The following SPOCK3 variants were observed in gnomAD, a reference collection of about 807,000 sequenced individuals.
SPOCK3 encodes SPARC (osteonectin), cwcv and kazal like domains proteoglycan 3.
In SPOCK3, 30 loss-of-function variants were observed where a neutral mutation model predicts 56.6. That is an observed-to-expected ratio of 0.53 (90% confidence interval 0.40 to 0.72). The LOEUF is 0.72. Among genes scored for constraint, SPOCK3 ranks in the 30% least tolerant of loss-of-function variants. The pLI, the probability that SPOCK3 is intolerant of heterozygous loss-of-function variation, is 0.00. For missense variants in SPOCK3, 527 were observed against 530.0 expected, an observed-to-expected ratio of 0.99 and a Z score of 0.06; for synonymous variants, 196 against 183.3, an observed-to-expected ratio of 1.07 and a Z score of -0.56.
intron 2 of SPOCK3, among the ~76,000 whole-genome samples, chr4:167,086,446 C>T (rs980206425): frequency 6.6e-6 from 1 of 151,986 alleles, no homozygotes; most frequent in Non-Finnish European, 1.5e-5. Context: ...ATCCCTTTAC[C>T]TAAGAAGTAG....
intron 3 of SPOCK3, among the ~76,000 whole-genome samples, chr4:167,050,512 C>T (rs555158488): frequency 5.9e-5 from 9 of 152,000 alleles, no homozygotes; most frequent in African/African-American, 9.7e-5. Context: ...CAAATAAATA[C>T]GATTACCATA....
chr4:166,733,732 T>C lies in SPOCK3; in HGVS notation c.*1189A>G, dbSNP rs1211870234. On this transcript the variant is annotated 3_prime_UTR_variant, in exon 11 of 11. Coordinates refer to ENST00000357545, the MANE Select transcript of SPOCK3 (RefSeq NM_001040159.2). The stretch of plus-strand genomic sequence containing the variant: ...CGGTTAAAGTAATTTTTGCTACAGT[T>C]AAATCTTAAATGCTACTCTACACAA... 6.6e-6 allele frequency: 1 copy of C among 152,278 alleles called. No individual in the cohort carries two copies. The highest frequency in any genetic ancestry group is 2.4e-5 in the African/African-American group (1 of 41,410). The allele number at this position is 152,278 out of a possible 1,614,324, so 9.4% of individuals were successfully genotyped here.
intron 2 of SPOCK3, among the ~76,000 whole-genome samples, chr4:167,066,645 T>C (rs1756167876): frequency 6.6e-6 from 1 of 151,938 alleles, no homozygotes; most frequent in Non-Finnish European, 1.5e-5. Flanking sequence ...TTAATGGCTA[T>C]ATAATACTCT....
chr4:167,004,295 G>A (rs1430354491), intron 3 of SPOCK3, among the ~76,000 whole-genome samples: 1 of 152,068 alleles, frequency 6.6e-6, no homozygotes, highest in African/African-American at 2.4e-5. Flanking sequence ...CCCACCAAGT[G>A]CACAAAATGA....
chr4:167,217,939 C>T (rs1431735214), intron 2 of SPOCK3, among the ~76,000 whole-genome samples: 1 of 151,502 alleles, frequency 6.6e-6, no homozygotes, highest in Non-Finnish European at 1.5e-5. Context: ...GTTAAACCCA[C>T]AAACCAAAGG....
chr4:167,074,744 C>T (rs116681923), intron 2 of SPOCK3, among the ~76,000 whole-genome samples: 1,843 of 151,838 alleles, frequency 0.012, 21 homozygotes, highest in Non-Finnish European at 0.018. Flanking sequence ...AGAGGGAGGG[C>T]GAGGAGTTGC....
rs767660144 is a variant in SPOCK3 at position 166,733,885 on chromosome 4, A to T, written c.*1036T>A. ...ATCTGTTAATTAGGTGTGCTTATATATTGCGTAATATACTATATTGGTATG... is the reference window on the plus strand; with the variant it reads ...ATCTGTTAATTAGGTGTGCTTATATTTTGCGTAATATACTATATTGGTATG... On this transcript the variant is annotated 3_prime_UTR_variant, in exon 11 of 11. Transcript: ENST00000357545. 1.9e-4 allele frequency: 29 copies of T among 152,238 alleles called. No homozygotes were observed. Among genetic ancestry groups the T allele is most frequent in the African/African-American group, 6.8e-4 (28 of 41,418 alleles). 9.4% of individuals were successfully genotyped at this position (152,238 alleles called of 1,614,324 possible).
chr4:166,862,869 T>C (rs901415573), intron 6 of SPOCK3, among the ~76,000 whole-genome samples: 2 of 152,126 alleles, frequency 1.3e-5, no homozygotes, highest in African/African-American at 2.4e-5. Context: ...ATAATTTTTA[T>C]ATACTTAAAA....
At chr4:166,945,807 A>T (rs1327054065) in intron 4 of SPOCK3, among the ~76,000 whole-genome samples, 1 of 152,170 alleles carries the variant, frequency 6.6e-6, no homozygotes, top group East Asian at 1.9e-4. Context: ...CCACAGGATC[A>T]CACAGGTGTA....
At chr4:167,065,379 T>C (rs990465680) in intron 2 of SPOCK3, among the ~76,000 whole-genome samples, 1 of 151,878 alleles carries the variant, frequency 6.6e-6, no homozygotes, top group African/African-American at 2.4e-5. Flanking sequence ...TAGGGGAATG[T>C]ATATTTAAAA....
chr4:167,221,453 AT>A (rs1024159488), intron 2 of SPOCK3, among the ~76,000 whole-genome samples: 1 of 152,148 alleles, frequency 6.6e-6, no homozygotes, highest in Non-Finnish European at 1.5e-5. Flanking sequence ...TCAACTGTTA[AT>A]TTTAAAAAAA....
intron 6 of SPOCK3, among the ~76,000 whole-genome samples, chr4:166,862,683 T>A (rs962839701): frequency 2.0e-5 from 3 of 152,062 alleles, no homozygotes; most frequent in Non-Finnish European, 4.4e-5. Context: ...TTGATGATGC[T>A]GATTTTTCCC....
At chr4:166,894,436 C>T (rs1024814182) in intron 5 of SPOCK3, among the ~76,000 whole-genome samples, 14 of 151,988 alleles carry the variant, frequency 9.2e-5, no homozygotes, top group African/African-American at 3.4e-4. Context: ...CCACAGAGTC[C>T]TGAGAATATT....
intron 8 of SPOCK3, among the ~76,000 whole-genome samples, chr4:166,747,967 T>C (rs1735869454): frequency 6.6e-6 from 1 of 152,054 alleles, no homozygotes; most frequent in Non-Finnish European, 1.5e-5. Flanking sequence ...TACAAACCAC[T>C]GCTCAATGAA....
chr4:166,839,305 T>C (rs1368321879), intron 6 of SPOCK3, among the ~76,000 whole-genome samples: 1 of 152,128 alleles, frequency 6.6e-6, no homozygotes, highest in African/African-American at 2.4e-5. Flanking sequence ...TTCTTATTCC[T>C]TAGTAGGCCA....
At chr4:166,849,150 AG>A (rs935476869) in intron 6 of SPOCK3, among the ~76,000 whole-genome samples, 3 of 152,224 alleles carry the variant, frequency 2.0e-5, no homozygotes, top group Non-Finnish European at 2.9e-5. Context: ...TCTTTCAAGT[AG>A]GTTAGAAAAA....
intron 4 of SPOCK3, among the ~76,000 whole-genome samples, chr4:166,952,602 C>A (rs1276383684): frequency 6.6e-6 from 1 of 152,030 alleles, no homozygotes; most frequent in Non-Finnish European, 1.5e-5. Flanking sequence ...TCATATGGAA[C>A]CAAAAAAGAG....
chr4:167,054,446 A>G (rs1453873168), intron 3 of SPOCK3, among the ~76,000 whole-genome samples: 3 of 152,220 alleles, frequency 2.0e-5, no homozygotes, highest in Non-Finnish European at 4.4e-5. Flanking sequence ...AGCAAACCAT[A>G]TACATTTTAT....
At chr4:166,786,363 T>C (rs940873833) in intron 7 of SPOCK3, among the ~76,000 whole-genome samples, 1 of 152,204 alleles carries the variant, frequency 6.6e-6, no homozygotes, top group Non-Finnish European at 1.5e-5. Flanking sequence ...TCACAGTTTT[T>C]AGCAGTCTGG....
Sources: allele counts gnomAD v4.1 joint callset (sites outside exome capture counted in the v4.1 genomes callset), GRCh38; gene constraint gnomAD v4.1.1; transcripts MANE v1.5; gene names NCBI Gene and HGNC (gene_info 2026-07-23, HGNC 2026-07-21).